ANKDD1A: variants seen among roughly 807,000 people sequenced by gnomAD.
The protein encoded by ANKDD1A is ankyrin repeat and death domain-containing protein 1A.
Under a neutral mutation model 63.5 loss-of-function variants are expected in ANKDD1A, and 59 were observed. The observed-to-expected ratio is 0.93, with a 90% CI of 0.75 to 1.15. ANKDD1A has a LOEUF of 1.15. Ranked by LOEUF, ANKDD1A falls within the 50% of genes most tolerant of loss-of-function variation. The pLI, the probability that ANKDD1A is intolerant of heterozygous loss-of-function variation, is 0.00. For missense variants in ANKDD1A, 632 were observed against 656.4 expected, an observed-to-expected ratio of 0.96 and a Z score of 0.41; for synonymous variants, 266 against 263.9, an observed-to-expected ratio of 1.01 and a Z score of -0.08.
chr15:64,921,998 C>A lies in ANKDD1A; in HGVS notation c.345C>A (p.Ala115=), dbSNP rs777161469. 6.4e-5 allele frequency: 103 copies of A among 1,614,056 alleles called. No homozygotes were observed. The highest frequency in any genetic ancestry group is 8.3e-5 in the Non-Finnish European group (98 of 1,180,026). The part of the protein sequence containing the change: ...RILQILVNSG[A]KIHCESKDGL... Reference sequence around the variant, plus strand: ...TCCAGATCTTGGTAAACTCAGGGGCCAAGATCCACTGTGAGAGCAAGGTAA... The same window carrying A: ...TCCAGATCTTGGTAAACTCAGGGGCAAAGATCCACTGTGAGAGCAAGGTAA... The change falls in exon 4 of 15, where the codon GCC becomes GCA. Residue 115 remains alanine (A), a synonymous_variant. Coordinates refer to ENST00000319580, the MANE Select transcript of ANKDD1A (RefSeq NM_182703.6).
chr15:64,934,045 C>T, intron 8 of ANKDD1A, 91 bp from the exon 9 acceptor site: 1 of 1,050,770 alleles, frequency 9.5e-7, no homozygotes, highest in Non-Finnish European at 1.4e-6. Flanking sequence ...GGTGTTGTGA[C>T]ACTCAAATGG....
intron 14 of ANKDD1A, among the ~76,000 whole-genome samples, chr15:64,955,028 CTCT>C (rs757961263): frequency 2.1e-4 from 13 of 60,908 alleles, no homozygotes; most frequent in Admixed American, 1.5e-3. Flanking sequence ...CTTCTTCTTC[CTCT>C]TCTTCTTCTT....
At chr15:64,924,997 C>A (rs192422795) in intron 4 of ANKDD1A, among the ~76,000 whole-genome samples, 4 of 152,172 alleles carry the variant, frequency 2.6e-5, no homozygotes, top group African/African-American at 9.6e-5. Context: ...GAGGCCGAGG[C>A]AGGCAGATTG....
intron 14 of ANKDD1A, among the ~76,000 whole-genome samples, chr15:64,953,978 CTCTA>C (rs1336635048): frequency 5.7e-5 from 7 of 122,200 alleles, no homozygotes; most frequent in African/African-American, 2.2e-4. Context: ...TTCTTTCTTC[CTCTA>C]TCTTCTTCCT....
chr15:64,940,679 C>T (rs1210343853), intron 9 of ANKDD1A, among the ~76,000 whole-genome samples: 7 of 152,018 alleles, frequency 4.6e-5, no homozygotes, highest in African/African-American at 9.7e-5. Context: ...ACCTCGTGAT[C>T]CGCCCACCTC....
At chr15:64,912,070 TC>T in intron 1 of ANKDD1A, 106 bp downstream of exon 1, 1 of 1,108,350 alleles carries the variant, frequency 9.0e-7, no homozygotes, top group Non-Finnish European at 1.2e-6. Flanking sequence ...AACGGCCACC[TC>T]CGTGTGGGGC....
intron 2 of ANKDD1A, 100 bp from the exon 3 acceptor site, chr15:64,917,286 T>A: frequency 1.7e-5 from 24 of 1,404,944 alleles, no homozygotes; most frequent in Middle Eastern, 2.8e-4. Flanking sequence ...GCAAAGACCC[T>A]TCCAGCCTGC....
chr15:64,954,209 TTTCTTC>T (rs563373306), intron 14 of ANKDD1A, among the ~76,000 whole-genome samples: 1 of 41,542 alleles, frequency 2.4e-5, no homozygotes, highest in African/African-American at 3.9e-5. Context: ...TCCTTATTCT[TTTCTTC>T]TTCTTCTTCT....
chr15:64,954,913 TTCTC>T, intron 14 of ANKDD1A, among the ~76,000 whole-genome samples: 1 of 69,010 alleles, frequency 1.4e-5, no homozygotes, highest in Non-Finnish European at 3.9e-5. Context: ...CTCTTGTCTC[TTCTC>T]TCTCCTTCTT....
chr15:64,949,988 G>T lies in ANKDD1A; in HGVS notation c.1483+16G>T. ...GACCTGGCTGGTAAGAGCGTACTCT[G>T]CTGGGCTGCTTCTCAGGAGCTGGGT... On this transcript the variant is annotated intron_variant, in intron 14 of 14. Transcript: ENST00000319580. 1 of 1,605,942 alleles carries T rather than the reference G, an allele frequency of 6.2e-7. No individual in the cohort carries two copies. The highest frequency in any genetic ancestry group is 1.1e-5 in the South Asian group (1 of 91,016).
At position 64,930,853 on chromosome 15, in the gene ANKDD1A, G is replaced by C. The variant is rs992088879; in HGVS notation, c.602G>C (p.Gly201Ala). The C allele has an allele frequency of 2.5e-6, 4 of 1,613,174 alleles. No homozygotes were observed. The highest frequency in any genetic ancestry group is 3.4e-6 in the Non-Finnish European group (4 of 1,179,986). ...AACACTGCCCTTCATCTGGCTGCTGGTCGGGGCCATATGGCTGTGCTGCAG... is the reference window on the plus strand; with the variant it reads ...AACACTGCCCTTCATCTGGCTGCTGCTCGGGGCCATATGGCTGTGCTGCAG... ...EGNTALHLAA[G>A]RGHMAVLQRL... The change falls in exon 7 of 15, where the codon GGT (glycine) becomes GCT (alanine). Residue 201 changes from glycine to alanine, a missense_variant. By Grantham distance (60) the Gly-to-Ala change is moderately conservative. Coordinates refer to ENST00000319580, the MANE Select transcript of ANKDD1A (RefSeq NM_182703.6).
chr15:64,950,546 C>G (rs1055348646), intron 14 of ANKDD1A: 14 of 985,296 alleles, frequency 1.4e-5, no homozygotes, highest in Non-Finnish European at 1.6e-5. Context: ...AAGCCTTAAA[C>G]GCTGTGATAC....
At chr15:64,950,124 T>C in intron 14 of ANKDD1A, 152 bp downstream of exon 14, 1 of 1,449,360 alleles carries the variant, frequency 6.9e-7, no homozygotes, top group Non-Finnish European at 9.1e-7. Flanking sequence ...CTCTTTTCCC[T>C]TGGGCAAACT....
chr15:64,948,391 T>G (rs1322038594), intron 13 of ANKDD1A, among the ~76,000 whole-genome samples: 1 of 152,236 alleles, frequency 6.6e-6, no homozygotes, highest in Non-Finnish European at 1.5e-5. Context: ...AATAGGTTTT[T>G]GAAACTTGAC....
chr15:64,926,847 G>A, intron 5 of ANKDD1A, 54 bp from the exon 6 acceptor site: 1 of 1,588,186 alleles, frequency 6.3e-7, no homozygotes, highest in Non-Finnish European at 8.6e-7. Flanking sequence ...GGCAGAGGCA[G>A]GTATGCCCAC....
intron 9 of ANKDD1A, among the ~76,000 whole-genome samples, chr15:64,937,598 C>G (rs891504274): frequency 1.3e-5 from 2 of 149,488 alleles, no homozygotes; most frequent in African/African-American, 2.5e-5. Flanking sequence ...TGTGGTGGCA[C>G]ACGCCTGTAG....
chr15:64,913,993 C>CTTTTCT (rs759225486), intron 1 of ANKDD1A: 30,166 of 145,054 alleles, frequency 0.21, 3,907 homozygotes, highest in East Asian at 0.72. Context: ...TTTCTGTTTT[C>CTTTTCT]TTTTTTTTTT....
chr15:64,943,334 C>T (rs1025567199), intron 10 of ANKDD1A, 150 bp from the exon 11 acceptor site: 4 of 681,586 alleles, frequency 5.9e-6, no homozygotes, highest in South Asian at 1.8e-5. Flanking sequence ...ATAAGATGAT[C>T]TCATGTATGT....
At chr15:64,915,989 G>A (rs2084965843) in intron 2 of ANKDD1A, 89 bp downstream of exon 2, 1 of 1,281,622 alleles carries the variant, frequency 7.8e-7, no homozygotes, top group East Asian at 2.5e-5. Context: ...CTGAGCTAGA[G>A]GCAGGCACAT....
Sources: allele counts gnomAD v4.1 joint callset (sites outside exome capture counted in the v4.1 genomes callset), GRCh38; gene constraint gnomAD v4.1.1; transcripts MANE v1.5; gene names NCBI Gene and HGNC (gene_info 2026-07-23, HGNC 2026-07-21).